OR10H5: variants seen among roughly 807,000 people sequenced by gnomAD.
OR10H5 encodes the protein olfactory receptor 10H5.
A neutral mutation model predicts 12.2 loss-of-function variants in OR10H5; 7 were observed. The ratio of observed to expected loss-of-function variants is 0.57; its 90% CI spans 0.33 to 1.07. OR10H5 has a LOEUF of 1.07. Ranked by LOEUF, OR10H5 falls within the 50% of genes least tolerant of loss-of-function variation. The pLI, the probability that OR10H5 is intolerant of heterozygous loss-of-function variation, is 0.04. For synonymous variants in OR10H5, 159 were observed against 175.1 expected, an observed-to-expected ratio of 0.91 and a Z score of 0.73; for missense variants, 346 against 411.6, an observed-to-expected ratio of 0.84 and a Z score of 1.38.
Position 15,794,530 on chromosome 19 carries a change from C to G in OR10H5, c.482C>G (p.Ser161Trp), listed in dbSNP as rs542973539. Residue 161 changes from serine to tryptophan, a missense_variant, in exon 2 of 2, where the codon TCG becomes TGG. Coordinates refer to ENST00000642092, the MANE Select transcript of OR10H5 (RefSeq NM_001004466.2). The part of the protein sequence containing the change: ...GGLVMGMVVT[S>W]AIFHLAFCGH... ...TTGGTCATGGGGATGGTGGTGACCT[C>G]GGCCATTTTCCACCTCGCCTTCTGT... 2 of 1,614,238 alleles carry G rather than the reference C, an allele frequency of 1.2e-6. No individual in the cohort carries two copies. The highest frequency in any genetic ancestry group is 1.7e-5 in the Admixed American group (1 of 60,026).
chr19:15,793,947 A>G, intron 1 of OR10H5, 91 bp from the exon 2 acceptor site: 1 of 1,071,026 alleles, frequency 9.3e-7, no homozygotes, highest in African/African-American at 1.6e-5. Flanking sequence ...ACAGATGAAG[A>G]AGGCGCTCTC....
rs1028178085 is a variant in OR10H5 at position 15,797,775 on chromosome 19, T to A, written c.*2779T>A. Reference sequence around the variant, plus strand: ...TTAAAATATTGCATTAGGCCGGGTGTGGTGGCTCACTCCTGTAATCCCAGC... The same window carrying A: ...TTAAAATATTGCATTAGGCCGGGTGAGGTGGCTCACTCCTGTAATCCCAGC... On this transcript the variant is annotated 3_prime_UTR_variant, in exon 2 of 2. Coordinates refer to ENST00000642092, the MANE Select transcript of OR10H5 (RefSeq NM_001004466.2). 4 of 151,972 alleles carry A rather than the reference T, an allele frequency of 2.6e-5. No homozygotes were observed. Among genetic ancestry groups the A allele is most frequent in the Non-Finnish European group, 5.9e-5 (4 of 68,018 alleles). 9.4% of individuals were successfully genotyped at this position (151,972 alleles called of 1,614,324 possible).
In OR10H5 at chr19:15,794,560, A is replaced by C. The variant is rs1480372614; in HGVS notation, c.512A>C (p.His171Pro). Residue 171 changes from histidine (H) to proline (P), a missense_variant, in exon 2 of 2, where the codon CAC becomes CCC. Coordinates refer to ENST00000642092, the MANE Select transcript of OR10H5 (RefSeq NM_001004466.2). ...ATTTTCCACCTCGCCTTCTGTGGAC[A>C]CAAGGAGATCCACCATTTCTTCTGC... The part of the protein sequence containing the change: ...SAIFHLAFCG[H>P]KEIHHFFCHV... 6.2e-7 allele frequency: 1 copy of C among 1,614,194 alleles called. No homozygotes were observed. The highest frequency in any genetic ancestry group is 2.2e-5 in the East Asian group (1 of 44,876).
chr19:15,800,206 G>T lies in OR10H5; in HGVS notation c.*5210G>T, dbSNP rs2088861191. On this transcript the variant is annotated 3_prime_UTR_variant, in exon 2 of 2. Coordinates refer to ENST00000642092, the MANE Select transcript of OR10H5 (RefSeq NM_001004466.2). ...CACAAGTTCCCATATATATTAATTG[G>T]TGCAATTATTTGTTTATTTATGTCT... is the stretch of plus-strand genomic sequence containing the variant. 1 of 152,020 alleles carries T rather than the reference G, an allele frequency of 6.6e-6. No homozygotes were observed. Among genetic ancestry groups the T allele is most frequent in the African/African-American group, 2.4e-5 (1 of 41,376 alleles). The allele number at this position is 152,020 out of a possible 1,614,324, so 9.4% of individuals were successfully genotyped here.
rs564723477 is a variant in OR10H5, at chr19:15,791,797, A to G, written c.-11-2241A>G. On this transcript the variant is annotated intron_variant, in intron 1 of 1. Coordinates refer to ENST00000642092, the MANE Select transcript of OR10H5 (RefSeq NM_001004466.2). ...AAGCTCTGCCTCCTGGGTTCATGCC[A>G]TTCTCCTGCCTCAGCCTCCCGAGTA... Among the ~76,000 whole-genome samples, 53 of 150,720 alleles carry G rather than the reference A, an allele frequency of 3.5e-4. 1 individual carries two copies. In the East Asian group the frequency reaches 9.9e-3, roughly 28 times the overall value.
Position 15,795,040 on chromosome 19 carries a change from T to A in OR10H5, c.*44T>A. 6.6e-7 allele frequency: 1 copy of A among 1,513,960 alleles called. No homozygotes were observed. The highest frequency in any genetic ancestry group is 9.1e-7 in the Non-Finnish European group (1 of 1,103,088). The allele number at this position is 1,513,960 out of a possible 1,614,324, so 93.8% of individuals were successfully genotyped here. ...AAGAGATGTAGCGAATGGGAACACT[T>A]TAGTCTTCCTCCTTTATTTCTTTTC... On this transcript the variant is annotated 3_prime_UTR_variant, in exon 2 of 2. Transcript: ENST00000642092.
At position 15,798,632 on chromosome 19, in the gene OR10H5, G is replaced by A. The variant is rs1249423257; in HGVS notation, c.*3636G>A. 6.6e-6 allele frequency: 1 copy of A among 151,950 alleles called. No homozygotes were observed. The highest frequency in any genetic ancestry group is 1.5e-5 in the Non-Finnish European group (1 of 68,010). 9.4% of individuals were successfully genotyped at this position (151,950 alleles called of 1,614,324 possible). On this transcript the variant is annotated 3_prime_UTR_variant, in exon 2 of 2. Coordinates refer to ENST00000642092, the MANE Select transcript of OR10H5 (RefSeq NM_001004466.2). ...CACTTCTTTTGTTCTTTTCTTCCCC[G>A]GTGCTGGCCTAACCTCCTTGCATGT...
intron 1 of OR10H5, among the ~76,000 whole-genome samples, chr19:15,791,692 A>AT (rs2088809832): frequency 6.8e-6 from 1 of 147,722 alleles, no homozygotes; most frequent in Non-Finnish European, 1.5e-5. Flanking sequence ...ATGAATTATT[A>AT]TTATTTTTTT....
rs1415355974 is a variant in OR10H5 at position 15,799,811 on chromosome 19, C to T, written c.*4815C>T. On this transcript the variant is annotated 3_prime_UTR_variant, in exon 2 of 2. Transcript: ENST00000642092. ...GCAACCTTCACCTCCCAGGTTCAAA[C>T]AATTCTCCTGTGTCAGACTCCCTGG... is the stretch of plus-strand genomic sequence containing the variant. 6.6e-6 allele frequency: 1 copy of T among 151,788 alleles called. No individual in the cohort carries two copies. The highest frequency in any genetic ancestry group is 1.9e-4 in the East Asian group (1 of 5,172). 9.4% of individuals were successfully genotyped at this position (151,788 alleles called of 1,614,324 possible).
In OR10H5 at chr19:15,794,704, A is replaced by G. The variant is rs1450090385; in HGVS notation, c.656A>G (p.Tyr219Cys). The change falls in exon 2 of 2, where the codon TAT becomes TGT. Residue 219 changes from tyrosine (Y) to cysteine (C), a missense_variant. Tyr to Cys is a radical substitution (Grantham distance 194, BLOSUM62 -2). Transcript: ENST00000642092. ...TGTTTTCTCCTCATCCTCCTCTCCT[A>G]TGCCTTCATCGTGGCCGCCATCTTG... ...LGCFLLILLS[Y>C]AFIVAAILKI... 1 of 1,613,796 alleles carries G rather than the reference A, an allele frequency of 6.2e-7. No individual in the cohort carries two copies.
At position 15,796,663 on chromosome 19, in the gene OR10H5, G is replaced by A. The variant is rs2088841369; in HGVS notation, c.*1667G>A. 6.6e-6 allele frequency: 1 copy of A among 152,112 alleles called. No homozygotes were observed. Among genetic ancestry groups the A allele is most frequent in the Non-Finnish European group, 1.5e-5 (1 of 68,040 alleles). 9.4% of individuals were successfully genotyped at this position (152,112 alleles called of 1,614,324 possible). A position where few individuals can be genotyped will look rare whatever the true frequency, so the allele number is the denominator to read the frequency against. On this transcript the variant is annotated 3_prime_UTR_variant, in exon 2 of 2. Transcript: ENST00000642092. Reference sequence around the variant, plus strand: ...ACCAGCTACTCAAGAGGCTGAGGTGGGAGGATCACTTGAGCCCAGGAGGTT... The same window carrying A: ...ACCAGCTACTCAAGAGGCTGAGGTGAGAGGATCACTTGAGCCCAGGAGGTT...
rs2144931997 is a variant in OR10H5 at position 15,797,663 on chromosome 19, G to A, written c.*2667G>A. 1 of 152,272 alleles carries A rather than the reference G, an allele frequency of 6.6e-6. No homozygotes were observed. The highest frequency in any genetic ancestry group is 2.1e-4 in the South Asian group (1 of 4,820). The allele number at this position is 152,272 out of a possible 1,614,324, so 9.4% of individuals were successfully genotyped here. ...CCTGAGGGCCAGGTCAGGGTGAGGT[G>A]AGGGAGACACCTCACCTCCTTTAAA... On this transcript the variant is annotated 3_prime_UTR_variant, in exon 2 of 2. Transcript: ENST00000642092.
Position 15,794,191 on chromosome 19 carries a change from C to T in OR10H5, c.143C>T (p.Thr48Ile), listed in dbSNP as rs1450196354. 3.1e-6 allele frequency: 5 copies of T among 1,614,192 alleles called. No homozygotes were observed. The highest frequency in any genetic ancestry group is 1.3e-5 in the African/African-American group (1 of 75,052). ...TLLGNLLIMA[T>I]VWSERSLHMP... ...CTGGGCAACCTGCTCATCATGGCCA[C>T]TGTCTGGAGCGAGCGCAGCCTCCAC... is the stretch of plus-strand genomic sequence containing the variant. Residue 48 changes from threonine to isoleucine, a missense_variant, in exon 2 of 2, where the codon ACT becomes ATT. By Grantham distance (89) the Thr-to-Ile change is moderately conservative. Transcript: ENST00000642092.
At position 15,794,297 on chromosome 19, in the gene OR10H5, C is replaced by A; in HGVS notation, c.249C>A (p.Ala83=). 6.2e-7 allele frequency: 1 copy of A among 1,614,090 alleles called. No homozygotes were observed. ...TGGCCATCATCCCGCGCATGCTGGC[C>A]GACCTGCTGTCCACCCAGCGCTCCA... ...YTVAIIPRML[A]DLLSTQRSIA... Residue 83 remains alanine (A), a synonymous_variant, in exon 2 of 2, where the codon GCC becomes GCA. Transcript: ENST00000642092.
Position 15,794,206 on chromosome 19 carries a change from G to T in OR10H5, c.158G>T (p.Arg53Leu). 2 of 1,614,016 alleles carry T rather than the reference G, an allele frequency of 1.2e-6. No homozygotes were observed. The highest frequency in any genetic ancestry group is 1.7e-6 in the Non-Finnish European group (2 of 1,179,992). Residue 53 changes from arginine (R) to leucine (L), a missense_variant, in exon 2 of 2, where the codon CGC (arginine) becomes CTC (leucine). Coordinates refer to ENST00000642092, the MANE Select transcript of OR10H5 (RefSeq NM_001004466.2). ...ATCATGGCCACTGTCTGGAGCGAGC[G>T]CAGCCTCCACATGCCCATGTACCTC... The part of the protein sequence containing the change: ...LLIMATVWSE[R>L]SLHMPMYLFL...
intron 1 of OR10H5, among the ~76,000 whole-genome samples, chr19:15,789,428 T>C (rs2088798911): frequency 6.6e-6 from 1 of 152,240 alleles, no homozygotes; most frequent in South Asian, 2.1e-4. Flanking sequence ...GAGAGGGCAC[T>C]GGAGCAGGGT....
At chr19:15,793,432 A>T (rs1042815838) in intron 1 of OR10H5, among the ~76,000 whole-genome samples, 12 of 151,788 alleles carry the variant, frequency 7.9e-5, no homozygotes, top group African/African-American at 1.2e-4. Flanking sequence ...ATTTTTTTTT[A>T]AATTTTTATT....
chr19:15,790,322 G>A (rs1389709607), intron 1 of OR10H5, among the ~76,000 whole-genome samples: 1 of 152,184 alleles, frequency 6.6e-6, no homozygotes, highest in Non-Finnish European at 1.5e-5. Flanking sequence ...TCAGCAGACA[G>A]CAAACAGCAA....
Position 15,794,302 on chromosome 19 carries a change from T to G in OR10H5, c.254T>G (p.Leu85Arg). The G allele has an allele frequency of 6.2e-7, 1 of 1,614,114 alleles. No homozygotes were observed. The highest frequency in any genetic ancestry group is 8.5e-7 in the Non-Finnish European group (1 of 1,179,978). The stretch of plus-strand genomic sequence containing the variant: ...ATCATCCCGCGCATGCTGGCCGACC[T>G]GCTGTCCACCCAGCGCTCCATCGCC... ...VAIIPRMLAD[L>R]LSTQRSIAFL... The change falls in exon 2 of 2, where the codon CTG becomes CGG. Residue 85 changes from leucine to arginine, a missense_variant. Physicochemically the swap from Leu to Arg is moderately radical, Grantham distance 102. Transcript: ENST00000642092.
Sources: gnomAD v4.1 joint callset for allele counts (sites outside exome capture counted in the v4.1 genomes callset) on GRCh38, gnomAD v4.1.1 for gene constraint, MANE v1.5 for transcripts, NCBI Gene and HGNC (gene_info 2026-07-23, HGNC 2026-07-21) for gene names.